The following ST8SIA6 variants were observed in gnomAD, a reference collection of about 807,000 sequenced individuals.
ST8SIA6 encodes the protein ST8 alpha-N-acetyl-neuraminide alpha-2,8-sialyltransferase 6, also known as alpha-2,8-sialyltransferase 8F.
In ST8SIA6, 39 loss-of-function variants were observed where a neutral mutation model predicts 33.6. That is an observed-to-expected ratio of 1.16 (90% confidence interval 0.90 to 1.52). The LOEUF is 1.52. Among genes scored for constraint, ST8SIA6 ranks in the 40% most tolerant of loss-of-function variants. The pLI, the probability that ST8SIA6 is intolerant of heterozygous loss-of-function variation, is 0.00. For missense variants in ST8SIA6, 441 were observed against 443.8 expected, an observed-to-expected ratio of 0.99 and a Z score of 0.06; for synonymous variants, 172 against 167.2, an observed-to-expected ratio of 1.03 and a Z score of -0.22.
At chr10:17,387,072 A>G (rs1049794134) in intron 3 of ST8SIA6, 5 of 152,094 alleles carry the variant, frequency 3.3e-5, no homozygotes, top group South Asian at 2.1e-4. Context: ...CCCAGAACCT[A>G]TTGGTGAGTT....
chr10:17,437,639 TTCCTTCCTTCCTTCCTTCC>T, intron 2 of ST8SIA6, among the ~76,000 whole-genome samples: 1 of 136,326 alleles, frequency 7.3e-6, no homozygotes, highest in Admixed American at 7.4e-5. Context: ...CCTTCCTTCC[TTCCTTCCTTCCTTCCTTCC>T]TTCCTTCTGT....
intron 2 of ST8SIA6, among the ~76,000 whole-genome samples, chr10:17,428,481 G>A (rs897114571): frequency 5.9e-5 from 9 of 152,202 alleles, no homozygotes; most frequent in East Asian, 1.9e-4. Flanking sequence ...CTAGAAGTGG[G>A]CAAATAAAGT....
intron 2 of ST8SIA6, among the ~76,000 whole-genome samples, chr10:17,395,169 CTT>C (rs1388806564): frequency 6.6e-6 from 1 of 152,156 alleles, no homozygotes; most frequent in Admixed American, 6.6e-5. Context: ...CATTCTCTCT[CTT>C]GTCTACCACC....
At chr10:17,434,754 C>CAT (rs200363979) in intron 2 of ST8SIA6, among the ~76,000 whole-genome samples, 3,589 of 151,914 alleles carry the variant, frequency 0.024, 158 homozygotes, top group African/African-American at 0.083. Context: ...CACACACACA[C>CAT]GGGAAAGGAA....
chr10:17,410,153 T>C (rs1041062049), intron 2 of ST8SIA6: 2 of 152,216 alleles, frequency 1.3e-5, no homozygotes, highest in African/African-American at 2.4e-5. Context: ...TGGGGTTTAT[T>C]TGTGGAGTTC....
At chr10:17,448,755 A>G (rs1189473501) in intron 2 of ST8SIA6, among the ~76,000 whole-genome samples, 2 of 148,116 alleles carry the variant, frequency 1.4e-5, no homozygotes, top group Non-Finnish European at 3.0e-5. Flanking sequence ...AGCTGGGACT[A>G]CAGGTGCCCG....
Position 17,447,948 on chromosome 10 carries a change from C to T in ST8SIA6, c.200+5611G>A, listed in dbSNP as rs577004081. Among the ~76,000 whole-genome samples, 64 of 152,162 alleles carry T rather than the reference C, an allele frequency of 4.2e-4. No individual in the cohort carries two copies. In the South Asian group the frequency reaches 0.011, roughly 26 times the overall value. ...CTGAGTAGCTGGCATTACAGACACC[C>T]GCCACCACATCTGGCTAATTTTTGT... On this transcript the variant is annotated intron_variant, in intron 2 of 7. Transcript: ENST00000377602.
At chr10:17,387,159 G>C (rs1017653715) in intron 3 of ST8SIA6, 2 of 152,284 alleles carry the variant, frequency 1.3e-5, no homozygotes, top group African/African-American at 4.8e-5. Flanking sequence ...GGTGAAAGTG[G>C]ATTGAGTGGG....
chr10:17,404,724 C>T (rs1851187732), intron 2 of ST8SIA6, among the ~76,000 whole-genome samples: 1 of 152,148 alleles, frequency 6.6e-6, no homozygotes, highest in Non-Finnish European at 1.5e-5. Context: ...TGCTCCTTGC[C>T]TATAAATCCC....
chr10:17,374,764 T>TATATATACACAC (rs1441288579), intron 3 of ST8SIA6, among the ~76,000 whole-genome samples: 7 of 126,848 alleles, frequency 5.5e-5, no homozygotes, highest in African/African-American at 2.1e-4. Flanking sequence ...TATATATATA[T>TATATATACACAC]ATATTTAGCT....
At chr10:17,437,740 C>G (rs1852330845) in intron 2 of ST8SIA6, among the ~76,000 whole-genome samples, 1 of 142,810 alleles carries the variant, frequency 7.0e-6, no homozygotes, top group Admixed American at 7.2e-5. Context: ...CTCCCTTTCT[C>G]TCTTTCTCTC....
At position 17,320,055 on chromosome 10, in the gene ST8SIA6, G is replaced by T. The variant is rs889966428; in HGVS notation, c.*823C>A. 6.6e-6 allele frequency: 1 copy of T among 152,166 alleles called. No homozygotes were observed. Among genetic ancestry groups the T allele is most frequent in the Non-Finnish European group, 1.5e-5 (1 of 68,050 alleles). 9.4% of individuals were successfully genotyped at this position (152,166 alleles called of 1,614,324 possible). ...TTCTTGTCCTCTCACAGAGCCTGGT[G>T]CAGGGCCTGGCATGAAGTAGTTATT... On this transcript the variant is annotated 3_prime_UTR_variant, in exon 8 of 8. Coordinates refer to ENST00000377602, the MANE Select transcript of ST8SIA6 (RefSeq NM_001004470.3).
intron 2 of ST8SIA6, among the ~76,000 whole-genome samples, chr10:17,424,366 A>G (rs1851869338): frequency 6.6e-6 from 1 of 152,088 alleles, no homozygotes; most frequent in Admixed American, 6.6e-5. Flanking sequence ...GGCCTCCCAA[A>G]GTGCTGGGAT....
Position 17,355,957 on chromosome 10 carries a change from T to C in ST8SIA6, c.377+3557A>G, listed in dbSNP as rs17140711. ...CCCTTTGCAGCCATCTTCAGAGTTA[T>C]AGCTCAAGTTCTGCCTCTTTTCACA... On this transcript the variant is annotated intron_variant, in intron 4 of 7. Transcript: ENST00000377602. Among the ~76,000 whole-genome samples the C allele has an allele frequency of 8.7e-3, 1,319 of 152,336 alleles. 22 individuals are homozygous for C. Among genetic ancestry groups the C allele is most frequent in the African/African-American group, 0.03 (1,265 of 41,586 alleles).
rs113150789 is a variant in ST8SIA6, at chr10:17,378,384, G to A, written c.290+12147C>T. On this transcript the variant is annotated intron_variant, in intron 3 of 7. Transcript: ENST00000377602. Reference sequence around the variant, plus strand: ...ACTTTGGAAAGCAAAAACGGATAATGTCAGAGACCACTGAAGAGAGTCAAA... The same window carrying A: ...ACTTTGGAAAGCAAAAACGGATAATATCAGAGACCACTGAAGAGAGTCAAA... 2.5e-3 allele frequency among the ~76,000 whole-genome samples: 382 copies of A among 152,286 alleles called. 1 individual carries two copies. Among genetic ancestry groups the A allele is most frequent in the Middle Eastern group, 3.4e-3 (1 of 294 alleles).
intron 2 of ST8SIA6, among the ~76,000 whole-genome samples, chr10:17,442,747 C>T (rs898978417): frequency 6.6e-6 from 1 of 152,208 alleles, no homozygotes; most frequent in African/African-American, 2.4e-5. Context: ...TTCAACTCTG[C>T]AGGTTTAAAT....
rs1438647805 is a variant in ST8SIA6, at chr10:17,321,087, C to A, written c.988G>T (p.Val330Phe). The change falls in exon 8 of 8, where the codon GTT (valine) becomes TTT (phenylalanine). Residue 330 changes from valine (V) to phenylalanine (F), a missense_variant. Transcript: ENST00000377602. ...ACATTTTTACACAGTTCCACTGCAA[C>A]ACTTGTGATCATCAAGCCGGTGGAC... ...RLSTGLMITS[V>F]AVELCKNVKL... is the part of the protein sequence containing the mutation. 1 of 1,614,136 alleles carries A rather than the reference C, an allele frequency of 6.2e-7. No individual in the cohort carries two copies. The highest frequency in any genetic ancestry group is 1.1e-5 in the South Asian group (1 of 91,078).
At chr10:17,406,888 G>A (rs761354863) in intron 2 of ST8SIA6, among the ~76,000 whole-genome samples, 16 of 147,858 alleles carry the variant, frequency 1.1e-4, no homozygotes, top group Non-Finnish European at 1.5e-4. Flanking sequence ...TCCGCCTCCC[G>A]TGTTCAAGTG....
rs767795220 is a variant in ST8SIA6 at position 17,359,589 on chromosome 10, T to G, written c.302A>C (p.Asn101Thr). 5 of 1,598,986 alleles carry G rather than the reference T, an allele frequency of 3.1e-6. No homozygotes were observed. The East Asian group carries it at 1.1e-4, about 36-fold the overall frequency. The change falls in exon 4 of 8, where the codon AAC becomes ACC. Residue 101 changes from asparagine to threonine, a missense_variant. Physicochemically the swap from Asn to Thr is moderately conservative, Grantham distance 65. Coordinates refer to ENST00000377602, the MANE Select transcript of ST8SIA6 (RefSeq NM_001004470.3). ...ATCTGTGATAATCTGAAGGTAGTCG[T>G]TCTCTGAATACCTAAAAATTAAATG... ...FSNKTKGYSENDYLQIITDIQ... is the reference protein window; with the variant it reads ...FSNKTKGYSETDYLQIITDIQ...
Sources: allele counts gnomAD v4.1 joint callset (sites outside exome capture counted in the v4.1 genomes callset), GRCh38; gene constraint gnomAD v4.1.1; transcripts MANE v1.5; gene names NCBI Gene and HGNC (gene_info 2026-07-23, HGNC 2026-07-21).